The following SPATA13 variants were observed in gnomAD, a reference collection of about 807,000 sequenced individuals.
SPATA13 encodes the protein spermatogenesis-associated protein 13.
SPATA13 carries 50 observed loss-of-function variants against 104.0 expected under a neutral mutation model. That is an observed-to-expected ratio of 0.48 (90% CI 0.38 to 0.61). The LOEUF (loss-of-function observed/expected upper bound fraction) is 0.61, where lower values mean the gene tolerates loss of function less well. Ranked by LOEUF, SPATA13 falls within the 20% of genes least tolerant of loss-of-function variation. The pLI, the probability that SPATA13 is intolerant of heterozygous loss-of-function variation, is 0.00. For synonymous variants in SPATA13, 606 were observed against 667.5 expected (o/e 0.91, Z 1.42); for missense variants, 1,524 against 1,690.6 (o/e 0.90, Z 1.73).
At chr13:24,097,679 G>A (rs1254793692) in intron 3 of SPATA13, among the ~76,000 whole-genome samples, 2 of 152,220 alleles carry the variant, frequency 1.3e-5, no homozygotes, top group Non-Finnish European at 2.9e-5. Context: ...GCCAGGCATA[G>A]TTTCAGTGTC....
chr13:24,123,792 G>T, intron 3 of SPATA13: 1 of 1,058,164 alleles, frequency 9.5e-7, no homozygotes, highest in Non-Finnish European at 1.5e-6. Context: ...CCAGGTGAGA[G>T]CATGAGAAAC....
chr13:24,074,377 A>G (rs4770570), intron 3 of SPATA13, among the ~76,000 whole-genome samples: 139,388 of 152,310 alleles, frequency 0.92, 64,092 homozygotes, highest in South Asian at 0.98. Flanking sequence ...TTGTATGAAT[A>G]GACCACATTT....
intron 3 of SPATA13, among the ~76,000 whole-genome samples, chr13:24,086,437 A>AG (rs528974680): frequency 1.3e-5 from 2 of 152,256 alleles, no homozygotes; most frequent in South Asian, 4.2e-4. Context: ...CACCAGGGAG[A>AG]GGGCTGCTCA....
intron 2 of SPATA13, among the ~76,000 whole-genome samples, chr13:24,247,601 GC>G (rs1403998522): frequency 2.0e-5 from 3 of 148,904 alleles, no homozygotes; most frequent in Admixed American, 6.8e-5. Flanking sequence ...TGCCGCCTCA[GC>G]CCCCCAAGTA....
At chr13:24,068,242 A>C (rs2137762468) in intron 3 of SPATA13, among the ~76,000 whole-genome samples, 1 of 152,240 alleles carries the variant, frequency 6.6e-6, no homozygotes, top group African/African-American at 2.4e-5. Flanking sequence ...CCCCCTTATA[A>C]GTGAGAACAT....
At chr13:24,143,607 C>A (rs1329630264) in intron 3 of SPATA13, among the ~76,000 whole-genome samples, 1 of 152,072 alleles carries the variant, frequency 6.6e-6, no homozygotes, top group Non-Finnish European at 1.5e-5. Context: ...CCAGGCTTTC[C>A]GACTCTGCTG....
chr13:24,178,617 A>G (rs1371430394), intron 1 of SPATA13, among the ~76,000 whole-genome samples: 2 of 152,190 alleles, frequency 1.3e-5, no homozygotes, highest in African/African-American at 4.8e-5. Flanking sequence ...CAAAAAACTT[A>G]GTGAACCAAG....
intron 3 of SPATA13, among the ~76,000 whole-genome samples, chr13:24,087,749 A>G (rs952907763): frequency 3.3e-5 from 5 of 152,128 alleles, no homozygotes; most frequent in Middle Eastern, 3.2e-3. Context: ...AAGCTCTTTG[A>G]TCTACAACTT....
intron 3 of SPATA13, among the ~76,000 whole-genome samples, chr13:24,070,639 T>A (rs1362681208): frequency 6.6e-6 from 1 of 152,246 alleles, no homozygotes; most frequent in Non-Finnish European, 1.5e-5. Context: ...TCTGTCAGAA[T>A]GATTTTGGAT....
intron 2 of SPATA13, among the ~76,000 whole-genome samples, chr13:23,991,861 C>T (rs1028780322): frequency 5.9e-5 from 9 of 151,984 alleles, no homozygotes; most frequent in African/African-American, 2.4e-5. Flanking sequence ...AAAAATCTTC[C>T]ATGCCAAGCA....
At chr13:24,189,341 G>C (rs965603840) in intron 1 of SPATA13, among the ~76,000 whole-genome samples, 7 of 151,326 alleles carry the variant, frequency 4.6e-5, no homozygotes, top group Non-Finnish European at 7.4e-5. Context: ...CATGGTGGCG[G>C]GTGCCTATAA....
chr13:24,300,493 C>T lies in SPATA13; in HGVS notation c.3658+18C>T. The T allele has an allele frequency of 6.2e-7, 1 of 1,610,316 alleles. No homozygotes were observed. The highest frequency in any genetic ancestry group is 8.5e-7 in the Non-Finnish European group (1 of 1,176,774). On this transcript the variant is annotated intron_variant, in intron 12 of 12. Transcript: ENST00000382108. ...GTCAAAAGGTAAGTTATGGAGAAGG[C>T]TTTGTCCCCTTAATGCTTATCAGTA... is the stretch of plus-strand genomic sequence containing the variant.
In SPATA13 at chr13:24,052,377, A is replaced by AAACAAC. The variant is rs142122852; in HGVS notation, c.-112+34681_-112+34682insCAACAA. ...AGCGTTAACGAGATCCCATCGCTAC[A>AAACAAC]AACAAGAACAACAACAACAAACTAT... On this transcript the variant is annotated intron_variant, in intron 3 of 14. Coordinates refer to the SPATA13 transcript ENST00000424834. Among the ~76,000 whole-genome samples the AAACAAC allele has an allele frequency of 6.1e-3, 928 of 151,872 alleles. 8 individuals carry two copies. Among genetic ancestry groups the AAACAAC allele is most frequent in the East Asian group, 9.5e-3 (49 of 5,138 alleles).
intron 1 of SPATA13, among the ~76,000 whole-genome samples, chr13:24,176,094 C>T (rs886095114): frequency 6.6e-6 from 1 of 152,260 alleles, no homozygotes; most frequent in Non-Finnish European, 1.5e-5. Flanking sequence ...CTGGTGTATG[C>T]TTCTTTCTTA....
chr13:24,181,196 A>G (rs772156803), intron 1 of SPATA13, among the ~76,000 whole-genome samples: 14 of 152,190 alleles, frequency 9.2e-5, no homozygotes, highest in Non-Finnish European at 1.6e-4. Flanking sequence ...GCGAAGGCCT[A>G]GGACATTGCT....
chr13:24,086,501 A>G (rs1879724240), intron 3 of SPATA13, among the ~76,000 whole-genome samples: 1 of 151,958 alleles, frequency 6.6e-6, no homozygotes, highest in African/African-American at 2.4e-5. Context: ...GAATTATGGG[A>G]AAAATATGAA....
At position 24,048,118 on chromosome 13, in the gene SPATA13, T is replaced by C. The variant is rs567730936; in HGVS notation, c.-112+30417T>C. Among the ~76,000 whole-genome samples the C allele has an allele frequency of 2.0e-5, 3 of 152,320 alleles. No homozygotes were observed. In the South Asian group the frequency reaches 6.2e-4, roughly 32 times the overall value. ...TCTTTACTCAGCCAGGTGATTCAAA[T>C]GCTAATCTCTCCCAGAAATACCCTC... On this transcript the variant is annotated intron_variant, in intron 3 of 14. Coordinates refer to the SPATA13 transcript ENST00000424834.
chr13:24,185,197 T>C (rs1378512838), intron 1 of SPATA13, among the ~76,000 whole-genome samples: 1 of 152,180 alleles, frequency 6.6e-6, no homozygotes, highest in East Asian at 1.9e-4. Context: ...GAGTAGATGC[T>C]AGTTTGTTAC....
At position 24,290,737 on chromosome 13, in the gene SPATA13, A is replaced by C; in HGVS notation, c.2933A>C (p.Lys978Thr). 1 of 1,614,218 alleles carries C rather than the reference A, an allele frequency of 6.2e-7. No individual in the cohort carries two copies. The highest frequency in any genetic ancestry group is 8.5e-7 in the Non-Finnish European group (1 of 1,180,044). The change falls in exon 9 of 13, where the codon AAG (lysine) becomes ACG (threonine). Residue 978 changes from lysine (K) to threonine (T), a missense_variant. Lys to Thr is a moderately conservative substitution (Grantham distance 78). This residue lies in a region of SPATA13 where 435 missense variants were observed against 554.8 expected (regional missense o/e 0.78). Coordinates refer to ENST00000382108, the MANE Select transcript of SPATA13 (RefSeq NM_001166271.3). ...CTCGCCAACCTCATGAAGCAGGGCAAGTACAGACATTTCTTTGAAGCCTGC... is the reference window on the plus strand; with the variant it reads ...CTCGCCAACCTCATGAAGCAGGGCACGTACAGACATTTCTTTGAAGCCTGC... ...LELANLMKQG[K>T]YRHFFEACRL...
Sources: allele counts gnomAD v4.1 joint callset (sites outside exome capture counted in the v4.1 genomes callset), GRCh38; gene constraint gnomAD v4.1.1; regional missense constraint gnomAD v4.1.1; transcripts MANE v1.5; gene names NCBI Gene and HGNC (gene_info 2026-07-23, HGNC 2026-07-21).